XIRP2: variants seen among roughly 807,000 people sequenced by gnomAD.
The protein encoded by XIRP2 is xin actin-binding repeat-containing protein 2.
In XIRP2, 236 loss-of-function variants were observed where a neutral mutation model predicts 277.0. That is an observed-to-expected ratio of 0.85 (90% CI 0.77 to 0.95). XIRP2 has a LOEUF of 0.95. Ranked by LOEUF, XIRP2 falls within the 40% of genes least tolerant of loss-of-function variation. The probability of loss-of-function intolerance (pLI) is 0.00; values close to 1 mark genes in which losing one functional copy is unlikely to be tolerated. For synonymous variants in XIRP2, 1,490 were observed against 1,416.5 expected, an observed-to-expected ratio of 1.05 and a Z score of -1.17; for missense variants, 4,640 against 4,157.5, an observed-to-expected ratio of 1.12 and a Z score of -3.19.
intron 2 of XIRP2, among the ~76,000 whole-genome samples, chr2:167,106,207 T>C (rs182514073): frequency 8.6e-4 from 131 of 151,852 alleles, no homozygotes; most frequent in Non-Finnish European, 1.3e-3. Flanking sequence ...GTTCATTTTA[T>C]GGGTCATGAT....
intron 3 of XIRP2, among the ~76,000 whole-genome samples, chr2:167,164,840 A>G (rs965783424): frequency 2.6e-5 from 4 of 152,196 alleles, no homozygotes; most frequent in Non-Finnish European, 5.9e-5. Flanking sequence ...TTCCCACCAT[A>G]GTGGTACATT....
At chr2:166,950,601 G>A (rs1574107774) in intron 2 of XIRP2, among the ~76,000 whole-genome samples, 1 of 152,136 alleles carries the variant, frequency 6.6e-6, no homozygotes, top group East Asian at 1.9e-4. Context: ...TTTGAAGATG[G>A]AAAAGGCATG....
intron 2 of XIRP2, among the ~76,000 whole-genome samples, chr2:166,910,313 A>G (rs535357803): frequency 1.3e-4 from 20 of 152,232 alleles, no homozygotes; most frequent in Admixed American, 1.1e-3. Context: ...CTATTCAGGG[A>G]TTCAACTTCT....
chr2:167,077,423 A>G (rs1689599674), intron 2 of XIRP2, among the ~76,000 whole-genome samples: 1 of 152,122 alleles, frequency 6.6e-6, no homozygotes, highest in South Asian at 2.1e-4. Context: ...TAAGCACTGA[A>G]GATGGAGCAG....
At chr2:167,181,591 AT>A (rs11298430) in intron 3 of XIRP2, among the ~76,000 whole-genome samples, 38,533 of 151,680 alleles carry the variant, frequency 0.25, 7,719 homozygotes, top group African/African-American at 0.56. Context: ...GACCTGCACC[AT>A]TTTTTTTAAC....
At chr2:166,913,533 G>A (rs540529090) in intron 2 of XIRP2, among the ~76,000 whole-genome samples, 11 of 152,104 alleles carry the variant, frequency 7.2e-5, no homozygotes, top group East Asian at 1.9e-4. Context: ...TCTTGGAACC[G>A]CCCCAGGTCA....
intron 2 of XIRP2, among the ~76,000 whole-genome samples, chr2:166,934,289 C>G (rs1685433512): frequency 6.6e-6 from 1 of 151,718 alleles, no homozygotes; most frequent in South Asian, 2.1e-4. Flanking sequence ...CTGGAGAAGC[C>G]CATGTAGCAA....
intron 2 of XIRP2, among the ~76,000 whole-genome samples, chr2:166,908,258 A>G (rs1200651527): frequency 2.6e-5 from 4 of 152,114 alleles, no homozygotes; most frequent in African/African-American, 4.8e-5. Context: ...CTATTTCTCT[A>G]TGTCCTCTCC....
At chr2:167,254,682 G>A (rs1057168763) in intron 10 of XIRP2, among the ~76,000 whole-genome samples, 5 of 151,820 alleles carry the variant, frequency 3.3e-5, no homozygotes, top group African/African-American at 1.2e-4. Context: ...TGGTGGGTAG[G>A]TTAGAATTTA....
intron 2 of XIRP2, among the ~76,000 whole-genome samples, chr2:167,022,406 T>C (rs1009874684): frequency 6.6e-6 from 1 of 152,126 alleles, no homozygotes; most frequent in Non-Finnish European, 1.5e-5. Flanking sequence ...CATTTAATTT[T>C]CTCAGAACAT....
intron 2 of XIRP2, among the ~76,000 whole-genome samples, chr2:166,938,403 T>C (rs1379662856): frequency 6.6e-6 from 1 of 152,180 alleles, no homozygotes; most frequent in Non-Finnish European, 1.5e-5. Context: ...AGCTGAGTGG[T>C]TTTGAGTGAG....
intron 2 of XIRP2, among the ~76,000 whole-genome samples, chr2:166,956,068 T>C (rs1004941179): frequency 2.0e-5 from 3 of 151,852 alleles, no homozygotes; most frequent in African/African-American, 7.2e-5. Flanking sequence ...TCTTTTCATC[T>C]TTCTTGGTCA....
At chr2:167,042,691 G>T (rs1023391027) in intron 2 of XIRP2, among the ~76,000 whole-genome samples, 11 of 152,130 alleles carry the variant, frequency 7.2e-5, no homozygotes, top group Admixed American at 4.6e-4. Context: ...CAACACCGGA[G>T]CACCCAGATT....
chr2:166,922,537 G>A (rs1009591443), intron 2 of XIRP2, among the ~76,000 whole-genome samples: 4 of 151,636 alleles, frequency 2.6e-5, no homozygotes, highest in Non-Finnish European at 5.9e-5. Context: ...AAAATGGCTT[G>A]TGCTAATGTC....
chr2:167,199,428 T>G (rs1693614597), intron 3 of XIRP2, among the ~76,000 whole-genome samples: 1 of 152,190 alleles, frequency 6.6e-6, no homozygotes, highest in Non-Finnish European at 1.5e-5. Flanking sequence ...AACAGCATAC[T>G]TGGAATTAAA....
At chr2:167,096,912 G>A (rs1451967543) in intron 2 of XIRP2, among the ~76,000 whole-genome samples, 1 of 152,140 alleles carries the variant, frequency 6.6e-6, no homozygotes, top group Non-Finnish European at 1.5e-5. Flanking sequence ...CTGAAAGGCT[G>A]TTTGTTATGA....
intron 5 of XIRP2, among the ~76,000 whole-genome samples, chr2:167,220,348 T>C (rs1352070294): frequency 1.3e-5 from 2 of 152,212 alleles, no homozygotes; most frequent in Non-Finnish European, 2.9e-5. Context: ...GACAAGTCTC[T>C]TAACATCTTT....
chr2:167,008,133 A>G (rs950917017), intron 2 of XIRP2, among the ~76,000 whole-genome samples: 3 of 151,618 alleles, frequency 2.0e-5, no homozygotes, highest in African/African-American at 7.2e-5. Flanking sequence ...ACTATAGGAC[A>G]TATGGTCAGA....
At chr2:166,908,238 A>G (rs1327688985) in intron 2 of XIRP2, among the ~76,000 whole-genome samples, 1 of 152,176 alleles carries the variant, frequency 6.6e-6, no homozygotes, top group African/African-American at 2.4e-5. Flanking sequence ...CCAACAGTGT[A>G]AAAGTGTTCC....
Sources: gnomAD v4.1 joint callset for allele counts (sites outside exome capture counted in the v4.1 genomes callset) on GRCh38, gnomAD v4.1.1 for gene constraint, MANE v1.5 for transcripts, NCBI Gene and HGNC (gene_info 2026-07-23, HGNC 2026-07-21) for gene names.